Variants in HS3ST4 observed in about 807,000 individuals in gnomAD.
HS3ST4 encodes heparan sulfate-glucosamine 3-sulfotransferase 4, also known as heparan sulfate glucosamine 3-O-sulfotransferase 4.
Under a neutral mutation model 29.2 loss-of-function variants are expected in HS3ST4, and 17 were observed. That is an observed-to-expected ratio of 0.58 (90% CI 0.40 to 0.87). The LOEUF is 0.87. Among genes scored for constraint, HS3ST4 ranks in the 40% least tolerant of loss-of-function variants. The probability of loss-of-function intolerance (pLI) is 0.00; values close to 1 mark genes in which losing one functional copy is unlikely to be tolerated. For synonymous variants in HS3ST4, 314 were observed against 285.7 expected (o/e 1.10, Z -1.00); for missense variants, 627 against 634.5 (o/e 0.99, Z 0.13).
At chr16:25,765,866 G>A (rs1966815342) in intron 1 of HS3ST4, among the ~76,000 whole-genome samples, 4 of 152,154 alleles carry the variant, frequency 2.6e-5, no homozygotes, top group Admixed American at 2.6e-4. Context: ...TGTGCTGGGA[G>A]GGGGTTTGGA....
Position 25,875,978 on chromosome 16 carries a change from T to A in HS3ST4, c.734+182827T>A, listed in dbSNP as rs1002263877. Among the ~76,000 whole-genome samples the A allele has an allele frequency of 6.2e-4, 94 of 152,168 alleles. 1 individual carries two copies. Among genetic ancestry groups the A allele is most frequent in the African/African-American group, 2.3e-3 (94 of 41,442 alleles). Reference sequence around the variant, plus strand: ...CTGCTTCTCTTGGGCTAATGTTCCCTTTTTCTTACAAAGATTTCTGGAACA... The same window carrying A: ...CTGCTTCTCTTGGGCTAATGTTCCCATTTTCTTACAAAGATTTCTGGAACA... On this transcript the variant is annotated intron_variant, in intron 1 of 1. Coordinates refer to ENST00000331351, the MANE Select transcript of HS3ST4 (RefSeq NM_006040.3).
chr16:25,947,588 C>T (rs981477761), intron 1 of HS3ST4, among the ~76,000 whole-genome samples: 1 of 152,092 alleles, frequency 6.6e-6, no homozygotes, highest in African/African-American at 2.4e-5. Flanking sequence ...AGCAGCCAAG[C>T]CAAACCACAA....
At chr16:25,818,917 A>G (rs1045955053) in intron 1 of HS3ST4, among the ~76,000 whole-genome samples, 6 of 152,142 alleles carry the variant, frequency 3.9e-5, no homozygotes, top group Non-Finnish European at 8.8e-5. Flanking sequence ...TAGAGCTCAA[A>G]CTGTGAAAAG....
chr16:26,091,280 T>C (rs1898853241), intron 1 of HS3ST4, among the ~76,000 whole-genome samples: 1 of 152,338 alleles, frequency 6.6e-6, no homozygotes, highest in African/African-American at 2.4e-5. Flanking sequence ...GCTCTATAAC[T>C]TTAATGCATG....
intron 1 of HS3ST4, among the ~76,000 whole-genome samples, chr16:25,976,445 A>G (rs3923968): frequency 0.52 from 78,314 of 152,026 alleles, 23,772 homozygotes; most frequent in Non-Finnish European, 0.7. Flanking sequence ...AGCTGGGACT[A>G]CAGATGCGTA....
rs1206572133 is a variant in HS3ST4, at chr16:26,043,747, T to C, written c.735-91865T>C. Among the ~76,000 whole-genome samples the C allele has an allele frequency of 8.5e-5, 13 of 152,310 alleles. No homozygotes were observed. The South Asian group carries it at 2.7e-3, about 32-fold the overall frequency. ...AACAGCATCCACATCCACTCCGCTA[T>C]GCTAGTAAAAAATTGAGAAGCTGTA... On this transcript the variant is annotated intron_variant, in intron 1 of 1. Transcript: ENST00000331351.
chr16:25,917,310 T>G (rs1005546890), intron 1 of HS3ST4, among the ~76,000 whole-genome samples: 1 of 152,104 alleles, frequency 6.6e-6, no homozygotes, highest in Admixed American at 6.5e-5. Context: ...CCTCCCAGGT[T>G]CAAGCGATTC....
At position 25,890,376 on chromosome 16, in the gene HS3ST4, T is replaced by C. The variant is rs114189921; in HGVS notation, c.734+197225T>C. On this transcript the variant is annotated intron_variant, in intron 1 of 1. Coordinates refer to ENST00000331351, the MANE Select transcript of HS3ST4 (RefSeq NM_006040.3). ...CCTAGGGTAAGGACCCAGATGACTT[T>C]ACCTTGTTAGGTCTTGGAATGTGAC... is the stretch of plus-strand genomic sequence containing the variant. Among the ~76,000 whole-genome samples, 300 of 152,350 alleles carry C rather than the reference T, an allele frequency of 2.0e-3. 2 individuals carry two copies. The highest frequency in any genetic ancestry group is 6.4e-3 in the African/African-American group (266 of 41,586).
chr16:25,922,098 C>A (rs915614351), intron 1 of HS3ST4, among the ~76,000 whole-genome samples: 1 of 152,138 alleles, frequency 6.6e-6, no homozygotes. Flanking sequence ...AAGCTAATGG[C>A]CATGGGCTGA....
At chr16:26,072,143 A>G (rs1898610318) in intron 1 of HS3ST4, among the ~76,000 whole-genome samples, 1 of 152,186 alleles carries the variant, frequency 6.6e-6, no homozygotes, top group Admixed American at 6.5e-5. Flanking sequence ...TGGGTCCATA[A>G]GGGGCCACTT....
At chr16:25,900,804 C>T (rs373246262) in intron 1 of HS3ST4, among the ~76,000 whole-genome samples, 3 of 148,078 alleles carry the variant, frequency 2.0e-5, no homozygotes, top group Non-Finnish European at 3.1e-5. Flanking sequence ...TGACATGGGA[C>T]CTCAGGGAGA....
chr16:25,692,681 C>T lies in HS3ST4; in HGVS notation c.264C>T (p.Pro88=), dbSNP rs987959482. The change falls in exon 1 of 2, where the codon CCC becomes CCT. Residue 88 remains proline, a synonymous_variant. Coordinates refer to ENST00000331351, the MANE Select transcript of HS3ST4 (RefSeq NM_006040.3). Reference sequence around the variant, plus strand: ...CGCCACCCTCTCTGCTGCCTACCCCCGTGCGCCTCGGCGCCCCCTCGCAGC... The same window carrying T: ...CGCCACCCTCTCTGCTGCCTACCCCTGTGCGCCTCGGCGCCCCCTCGCAGC... ...SPPPPSLLPT[P]VRLGAPSQPP... is the part of the protein sequence containing the mutation. 6.4e-6 allele frequency: 8 copies of T among 1,245,986 alleles called. No homozygotes were observed. Among genetic ancestry groups the T allele is most frequent in the East Asian group, 7.0e-5 (2 of 28,736 alleles). 77.2% of individuals were successfully genotyped at this position (1,245,986 alleles called of 1,614,324 possible). A position where few individuals can be genotyped will look rare whatever the true frequency, so the allele number is the denominator to read the frequency against.
intron 1 of HS3ST4, among the ~76,000 whole-genome samples, chr16:25,958,711 T>C (rs8049738): frequency 0.82 from 124,434 of 152,164 alleles, 51,372 homozygotes; most frequent in African/African-American, 0.94. Context: ...AAGGGTCTCA[T>C]TCACAGGCTG....
intron 1 of HS3ST4, among the ~76,000 whole-genome samples, chr16:26,049,777 C>T (rs891932255): frequency 6.6e-6 from 1 of 152,158 alleles, no homozygotes; most frequent in Non-Finnish European, 1.5e-5. Context: ...TCGGGCTTCT[C>T]ACAACCCCCT....
Position 26,136,359 on chromosome 16 carries a change from C to T in HS3ST4, c.*111C>T. ...CTTGCTGGAGTGCCAAGTAGATCTC[C>T]TCCTCCTTCATGCAGCCAGGATTGC... On this transcript the variant is annotated 3_prime_UTR_variant, in exon 2 of 2. Coordinates refer to ENST00000331351, the MANE Select transcript of HS3ST4 (RefSeq NM_006040.3). 1 of 1,029,830 alleles carries T rather than the reference C, an allele frequency of 9.7e-7. No individual in the cohort carries two copies. The highest frequency in any genetic ancestry group is 1.4e-6 in the Non-Finnish European group (1 of 724,662). 63.8% of individuals were successfully genotyped at this position (1,029,830 alleles called of 1,614,324 possible). A position where few individuals can be genotyped will look rare whatever the true frequency, so the allele number is the denominator to read the frequency against.
chr16:26,013,971 G>A (rs972974550), intron 1 of HS3ST4, among the ~76,000 whole-genome samples: 1 of 151,266 alleles, frequency 6.6e-6, no homozygotes, highest in Non-Finnish European at 1.5e-5. Flanking sequence ...TCGCGCCACC[G>A]CATTCCAGGC....
chr16:25,935,774 A>G (rs1968511563), intron 1 of HS3ST4, among the ~76,000 whole-genome samples: 2 of 152,162 alleles, frequency 1.3e-5, no homozygotes, highest in South Asian at 4.1e-4. Context: ...AGCTGCTATA[A>G]TGTTTATATG....
chr16:25,726,939 G>A (rs1966539402), intron 1 of HS3ST4, among the ~76,000 whole-genome samples: 1 of 152,034 alleles, frequency 6.6e-6, no homozygotes. Flanking sequence ...CATTCTCAGT[G>A]GTCATGGATT....
intron 1 of HS3ST4, among the ~76,000 whole-genome samples, chr16:25,886,540 C>T (rs955818882): frequency 4.1e-4 from 62 of 152,124 alleles, no homozygotes; most frequent in African/African-American, 1.4e-3. Flanking sequence ...CTCAGTTTCC[C>T]GAAGCAACCC....
Sources: gnomAD v4.1 joint callset for allele counts (sites outside exome capture counted in the v4.1 genomes callset) on GRCh38, gnomAD v4.1.1 for gene constraint, MANE v1.5 for transcripts, NCBI Gene and HGNC (gene_info 2026-07-23, HGNC 2026-07-21) for gene names.